Variants in PCDH15 observed in about 807,000 individuals in gnomAD.
The protein encoded by PCDH15 is protocadherin related 15.
A neutral mutation model predicts 178.5 loss-of-function variants in PCDH15; 129 were observed. The observed-to-expected ratio is 0.72, with a 90% CI of 0.63 to 0.84. The LOEUF (loss-of-function observed/expected upper bound fraction) is 0.84, where lower values mean the gene tolerates loss of function less well. Among genes scored for constraint, PCDH15 ranks in the 40% least tolerant of loss-of-function variants. PCDH15 has a pLI of 0.00. For synonymous variants in PCDH15, 800 were observed against 732.0 expected, an observed-to-expected ratio of 1.09 and a Z score of -1.50; for missense variants, 2,230 against 2,099.9, an observed-to-expected ratio of 1.06 and a Z score of -1.21.
At position 54,346,471 on chromosome 10, in the gene PCDH15, C is replaced by A. The variant is rs1314363353; in HGVS notation, c.488G>T (p.Gly163Val). 3.1e-6 allele frequency: 5 copies of A among 1,613,658 alleles called. No homozygotes were observed. The highest frequency in any genetic ancestry group is 4.2e-6 in the Non-Finnish European group (5 of 1,179,918). The change falls in exon 6 of 38, where the codon GGT becomes GTT. Residue 163 changes from glycine (G) to valine (V), a missense_variant. Transcript: ENST00000644397. ...YATVNELTPVGTTIFTGFSGD... is the reference protein window; with the variant it reads ...YATVNELTPVVTTIFTGFSGD... ...TGAAAATCCTGTGAATATTGTGGTA[C>A]CAACTGGAGTGAGCTGAAAGGAAAA...
At chr10:55,578,073 G>A (rs1258754646) in intron 2 of PCDH15, among the ~76,000 whole-genome samples, 1 of 151,916 alleles carries the variant, frequency 6.6e-6, no homozygotes, top group East Asian at 1.9e-4. Context: ...AACAGGTAAG[G>A]TTAATATACC....
At chr10:54,196,005 G>T in intron 10 of PCDH15, 116 bp from the exon 11 acceptor site, 1 of 855,382 alleles carries the variant, frequency 1.2e-6, no homozygotes, top group South Asian at 1.6e-5. Context: ...ATCACATAAG[G>T]AAAAAATACG....
chr10:54,697,759 G>A (rs1040571178), intron 1 of PCDH15, among the ~76,000 whole-genome samples: 14 of 150,796 alleles, frequency 9.3e-5, no homozygotes, highest in Admixed American at 1.3e-4. Flanking sequence ...AAGGAAGGCC[G>A]GCAGGAAGGA....
rs116487871 is a variant in PCDH15 at position 55,339,945 on chromosome 10, A to C, written c.-155-173294T>G. Reference sequence around the variant, plus strand: ...GAAACATTAAACAAAGAAAAAAAAAACCCACAAATAGTTGTTTTTTGAAAG... The same window carrying C: ...GAAACATTAAACAAAGAAAAAAAAACCCCACAAATAGTTGTTTTTTGAAAG... On this transcript the variant is annotated intron_variant, in intron 2 of 5. Transcript: ENST00000613346. 8.8e-3 allele frequency among the ~76,000 whole-genome samples: 1,329 copies of C among 151,782 alleles called. 19 individuals carry two copies. The highest frequency in any genetic ancestry group is 0.028 in the African/African-American group (1,168 of 41,472).
rs78844590 is a variant in PCDH15 at position 55,399,645 on chromosome 10, G to C, written c.-156+227980C>G. On this transcript the variant is annotated intron_variant, in intron 2 of 5. Transcript: ENST00000613346. ...CACTTCACAATGCATACTTGATTTA[G>C]TGGAATCAAGAAAATGGATTGAGGC... 7.9e-3 allele frequency among the ~76,000 whole-genome samples: 1,207 copies of C among 152,194 alleles called. 14 individuals carry two copies. Among genetic ancestry groups the C allele is most frequent in the African/African-American group, 0.026 (1,085 of 41,524 alleles).
chr10:55,066,452 C>A (rs1841566614), intron 2 of PCDH15, among the ~76,000 whole-genome samples: 1 of 150,110 alleles, frequency 6.7e-6, no homozygotes, highest in African/African-American at 2.4e-5. Flanking sequence ...ATGCAGTGTT[C>A]TCTGTATCAC....
intron 2 of PCDH15, among the ~76,000 whole-genome samples, chr10:55,590,554 G>A (rs941502683): frequency 6.6e-5 from 10 of 152,056 alleles, no homozygotes; most frequent in Non-Finnish European, 1.3e-4. Flanking sequence ...ATATGCTTCT[G>A]CCACATGTTA....
chr10:54,675,632 C>T (rs2094772340), intron 1 of PCDH15, among the ~76,000 whole-genome samples: 1 of 152,126 alleles, frequency 6.6e-6, no homozygotes, highest in South Asian at 2.1e-4. Context: ...TGACAAGTCA[C>T]TTCCTCCCCC....
chr10:55,287,200 T>C (rs911034320), intron 1 of PCDH15, among the ~76,000 whole-genome samples: 1 of 152,032 alleles, frequency 6.6e-6, no homozygotes, highest in Non-Finnish European at 1.5e-5. Flanking sequence ...CAAAAGTCTG[T>C]CTCAAGTTGA....
intron 20 of PCDH15, among the ~76,000 whole-genome samples, chr10:54,005,900 G>A (rs780376175): frequency 1.1e-4 from 17 of 152,072 alleles, no homozygotes; most frequent in South Asian, 4.1e-4. Flanking sequence ...AGATTTGGAA[G>A]CAACCTAAGT....
At chr10:55,026,838 G>T (rs12769204) in intron 2 of PCDH15, among the ~76,000 whole-genome samples, 11,457 of 151,936 alleles carry the variant, frequency 0.075, 684 homozygotes, top group African/African-American at 0.16. Context: ...AAACATAAAA[G>T]TTGGACTTAA....
At chr10:54,804,171 C>T (rs1952736273), upstream of PCDH15, among the ~76,000 whole-genome samples, 1 of 152,032 alleles carries the variant, frequency 6.6e-6, no homozygotes, top group Non-Finnish European at 1.5e-5. Context: ...TCCGGAGTAG[C>T]TGGGACTACA....
chr10:54,857,621 T>C (rs1013869387), intron 3 of PCDH15, among the ~76,000 whole-genome samples: 1 of 142,354 alleles, frequency 7.0e-6, no homozygotes, highest in Non-Finnish European at 1.6e-5. Flanking sequence ...AATTTTTTTT[T>C]CTTTTTTTTT....
At position 54,369,247 on chromosome 10, in the gene PCDH15, A is replaced by G; in HGVS notation, c.347T>C (p.Val116Ala). The G allele has an allele frequency of 6.2e-7, 1 of 1,612,812 alleles. No homozygotes were observed. Among genetic ancestry groups the G allele is most frequent in the Non-Finnish European group, 8.5e-7 (1 of 1,179,260 alleles). The stretch of plus-strand genomic sequence containing the variant: ...TTTTTTGTTGATGCACTGGACCTGC[A>G]CCACAATGGAGTGTATGTTCATCGG... ...DPPMNIHSIV[V>A]QVQCINKKVG... is the part of the protein sequence containing the mutation. The change falls in exon 5 of 38, where the codon GTG becomes GCG. Residue 116 changes from valine (V) to alanine (A), a missense_variant. Physicochemically the swap from Val to Ala is moderately conservative, Grantham distance 64. Coordinates refer to ENST00000644397, the MANE Select transcript of PCDH15 (RefSeq NM_001384140.1).
intron 26 of PCDH15, among the ~76,000 whole-genome samples, chr10:53,867,867 C>T (rs868083019): frequency 3.3e-5 from 5 of 151,922 alleles, no homozygotes; most frequent in Non-Finnish European, 5.9e-5. Flanking sequence ...GAATACTATC[C>T]GACTTCCTTT....
intron 2 of PCDH15, among the ~76,000 whole-genome samples, chr10:55,147,594 T>A (rs1765097463): frequency 6.6e-6 from 1 of 151,474 alleles, no homozygotes; most frequent in Admixed American, 6.6e-5. Flanking sequence ...CTTTCCTCCT[T>A]ATGTCTCTCT....
At chr10:55,598,733 A>G (rs1441383177) in intron 2 of PCDH15, among the ~76,000 whole-genome samples, 2 of 151,798 alleles carry the variant, frequency 1.3e-5, no homozygotes, top group South Asian at 2.1e-4. Flanking sequence ...GAATAAGGCC[A>G]TAAGGCAAGC....
intron 1 of PCDH15, among the ~76,000 whole-genome samples, chr10:55,192,471 T>G (rs1306267046): frequency 6.6e-6 from 1 of 151,890 alleles, no homozygotes; most frequent in East Asian, 1.9e-4. Flanking sequence ...CACAGCAGCA[T>G]GAGTTATTTT....
At position 54,727,815 on chromosome 10, in the gene PCDH15, C is replaced by T. The variant is rs1179033004; in HGVS notation, c.-28-63525G>A. On this transcript the variant is annotated intron_variant, in intron 1 of 37. Coordinates refer to ENST00000644397, the MANE Select transcript of PCDH15 (RefSeq NM_001384140.1). ...AGAATCTGGTGCAGATTTCTAGTCACATAAACTAGAAAACCTTGAAGGAAT... is the reference window on the plus strand; with the variant it reads ...AGAATCTGGTGCAGATTTCTAGTCATATAAACTAGAAAACCTTGAAGGAAT... Among the ~76,000 whole-genome samples the T allele has an allele frequency of 1.1e-4, 17 of 151,362 alleles. No individual in the cohort carries two copies. The Admixed American group carries it at 1.1e-3, about 10-fold the overall frequency.
Sources: allele counts gnomAD v4.1 joint callset (sites outside exome capture counted in the v4.1 genomes callset), GRCh38; gene constraint gnomAD v4.1.1; transcripts MANE v1.5; gene names NCBI Gene and HGNC (gene_info 2026-07-23, HGNC 2026-07-21).